CACNA1C: variants seen among roughly 807,000 people sequenced by gnomAD.
CACNA1C encodes voltage-dependent L-type calcium channel subunit alpha-1C.
Under a neutral mutation model 229.0 loss-of-function variants are expected in CACNA1C, and 30 were observed. The ratio of observed to expected loss-of-function variants is 0.13; its 90% CI spans 0.10 to 0.18. The LOEUF (loss-of-function observed/expected upper bound fraction) is 0.18. Among genes scored for constraint, CACNA1C ranks in the 10% least tolerant of loss-of-function variants. The pLI, the probability that CACNA1C is intolerant of heterozygous loss-of-function variation, is 1.00. For synonymous variants in CACNA1C, 1,114 were observed against 1,132.5 expected (o/e 0.98, Z 0.33); for missense variants, 1,658 against 2,845.0 (o/e 0.58, Z 9.49).
intron 13 of CACNA1C, among the ~76,000 whole-genome samples, chr12:2,572,782 T>TC (rs2056597412): frequency 1.0e-5 from 1 of 100,220 alleles, no homozygotes; most frequent in Non-Finnish European, 2.1e-5. Context: ...CTCCTTCTCC[T>TC]CTCCTCCTCC....
chr12:2,579,824 C>T (rs1293867385), intron 13 of CACNA1C, among the ~76,000 whole-genome samples: 1 of 152,204 alleles, frequency 6.6e-6, no homozygotes, highest in African/African-American at 2.4e-5. Flanking sequence ...AGCAGTCCTC[C>T]TGCCTTGACC....
At chr12:2,221,191 C>T (rs1446081432) in intron 3 of CACNA1C, among the ~76,000 whole-genome samples, 3 of 152,148 alleles carry the variant, frequency 2.0e-5, no homozygotes, top group East Asian at 1.9e-4. Flanking sequence ...AATGACCAGG[C>T]GGGTGCAGGT....
chr12:2,385,828 G>A (rs932631410), intron 3 of CACNA1C, among the ~76,000 whole-genome samples: 8 of 152,310 alleles, frequency 5.3e-5, no homozygotes, highest in Non-Finnish European at 1.2e-4. Flanking sequence ...ACCCGTGCCT[G>A]GGTCTCACCC....
intron 3 of CACNA1C, among the ~76,000 whole-genome samples, chr12:2,408,777 A>G (rs1027797979): frequency 2.6e-5 from 4 of 152,214 alleles, no homozygotes; most frequent in African/African-American, 9.6e-5. Flanking sequence ...TCACTAGTGA[A>G]GTCTTATTCA....
chr12:2,457,227 A>G (rs1204346704), intron 4 of CACNA1C, among the ~76,000 whole-genome samples: 2 of 152,218 alleles, frequency 1.3e-5, no homozygotes, highest in African/African-American at 4.8e-5. Context: ...GAGAAGCCGG[A>G]GGGCTCCTCA....
At chr12:2,115,717 G>A (rs1048645081) in intron 2 of CACNA1C, among the ~76,000 whole-genome samples, 172 bp downstream of exon 2, 3 of 152,238 alleles carry the variant, frequency 2.0e-5, no homozygotes, top group East Asian at 1.9e-4. Flanking sequence ...TCTGGGCCCC[G>A]CCCTAGACTG....
rs2153802496 is a variant in CACNA1C, at chr12:2,679,406, A to G, written c.5092-38A>G. Reference sequence around the variant, plus strand: ...CTGCTCTCTGGGAGGAGTGGGTGCTAAGGGGCTTCTCCACCCACCCCTCCT... The same window carrying G: ...CTGCTCTCTGGGAGGAGTGGGTGCTGAGGGGCTTCTCCACCCACCCCTCCT... On this transcript the variant is annotated intron_variant, in intron 41 of 46. Coordinates refer to ENST00000399655, the MANE Select transcript of CACNA1C (RefSeq NM_000719.7). This position sits in a 1 kb window ranked among gnomAD's most constrained non-coding sequence, Gnocchi z 5.5. 2.1e-6 allele frequency: 3 copies of G among 1,403,186 alleles called. No homozygotes were observed. Among genetic ancestry groups the G allele is most frequent in the Non-Finnish European group, 2.9e-6 (3 of 1,038,146 alleles). The allele number at this position is 1,403,186 out of a possible 1,614,324, so 86.9% of individuals were successfully genotyped here. A position where few individuals can be genotyped will look rare whatever the true frequency, so the allele number is the denominator to read the frequency against.
chr12:2,515,561 A>G (rs140073921), intron 9 of CACNA1C, among the ~76,000 whole-genome samples: 56 of 152,358 alleles, frequency 3.7e-4, no homozygotes, highest in African/African-American at 1.0e-3. Context: ...AAGCCAAGTC[A>G]TCTTTTAAGA....
intron 9 of CACNA1C, among the ~76,000 whole-genome samples, chr12:2,536,471 A>G (rs1236716905): frequency 1.3e-5 from 2 of 152,166 alleles, no homozygotes; most frequent in Non-Finnish European, 2.9e-5. Context: ...CTCTACCACT[A>G]TCTGCCTCTG....
intron 1 of CACNA1C, among the ~76,000 whole-genome samples, chr12:2,103,842 C>G (rs1331211565): frequency 1.3e-5 from 2 of 152,174 alleles, no homozygotes; most frequent in Non-Finnish European, 2.9e-5. Context: ...GAATCCTTTC[C>G]CCATTGCTTG....
chr12:2,667,840 C>T (rs932602007), intron 37 of CACNA1C, among the ~76,000 whole-genome samples: 5 of 152,154 alleles, frequency 3.3e-5, no homozygotes, highest in East Asian at 1.9e-4. Flanking sequence ...AGGAGGTCAC[C>T]GTGTGAGCTG....
chr12:2,235,870 G>A (rs918660589), intron 3 of CACNA1C, among the ~76,000 whole-genome samples: 3 of 152,136 alleles, frequency 2.0e-5, no homozygotes, highest in Non-Finnish European at 4.4e-5. Context: ...TGCCCACTGT[G>A]TACAGTGCTT....
intron 3 of CACNA1C, among the ~76,000 whole-genome samples, chr12:2,191,789 CATG>C (rs1458118278): frequency 6.6e-6 from 1 of 151,452 alleles, no homozygotes; most frequent in Non-Finnish European, 1.5e-5. Context: ...CATACATGCA[CATG>C]ATCTCACGTA....
chr12:2,314,931 T>C (rs1175233107), intron 3 of CACNA1C, among the ~76,000 whole-genome samples: 1 of 152,232 alleles, frequency 6.6e-6, no homozygotes, highest in African/African-American at 2.4e-5. Flanking sequence ...GTTTTTTCAA[T>C]GTAGAAAATG....
At chr12:2,321,067 A>T (rs562873053) in intron 3 of CACNA1C, among the ~76,000 whole-genome samples, 2 of 152,322 alleles carry the variant, frequency 1.3e-5, no homozygotes, top group Non-Finnish European at 2.9e-5. Flanking sequence ...GCATTATGGA[A>T]AATTAAAGGT....
chr12:2,256,422 G>T (rs943032347), intron 3 of CACNA1C, among the ~76,000 whole-genome samples: 1 of 152,124 alleles, frequency 6.6e-6, no homozygotes, highest in Non-Finnish European at 1.5e-5. Flanking sequence ...TATTCTGATG[G>T]TATAGAAGAA....
chr12:2,674,897 A>G (rs145181666), intron 39 of CACNA1C, among the ~76,000 whole-genome samples: 23 of 152,324 alleles, frequency 1.5e-4, no homozygotes, highest in African/African-American at 5.5e-4. Context: ...AATCTGGTAC[A>G]ACCCTGCTTT....
intron 13 of CACNA1C, among the ~76,000 whole-genome samples, chr12:2,581,099 G>A (rs2060320128): frequency 6.6e-6 from 1 of 152,090 alleles, no homozygotes. Context: ...ATTCATGGTG[G>A]GGGAAAAAAA....
Position 2,654,702 on chromosome 12 carries a change from G to C in CACNA1C, c.4141-445G>C, listed in dbSNP as rs1179353064. ...CAGCTTTAAAAGACCAGGAAGAAAA[G>C]GGATTTCAGGAATGCATTAAGCTTG... On this transcript the variant is annotated intron_variant, in intron 33 of 46. Coordinates refer to ENST00000399655, the MANE Select transcript of CACNA1C (RefSeq NM_000719.7). The surrounding 1 kb of genome is among the most constrained non-coding windows in gnomAD (Gnocchi z 4.4). Among the ~76,000 whole-genome samples the C allele has an allele frequency of 6.6e-6, 1 of 152,236 alleles. No individual in the cohort carries two copies. The highest frequency in any genetic ancestry group is 1.5e-5 in the Non-Finnish European group (1 of 68,038).
Sources: allele counts gnomAD v4.1 joint callset (sites outside exome capture counted in the v4.1 genomes callset), GRCh38; gene constraint gnomAD v4.1.1; non-coding constraint Gnocchi (gnomAD v3.1); transcripts MANE v1.5; gene names NCBI Gene and HGNC (gene_info 2026-07-23, HGNC 2026-07-21).